ELFN2: variants seen among roughly 807,000 people sequenced by gnomAD.
The protein encoded by ELFN2 is extracellular leucine rich repeat and fibronectin type III domain containing 2, also known as protein phosphatase 1 regulatory subunit 29.
In ELFN2, 17 loss-of-function variants were observed where a neutral mutation model predicts 45.5. The observed-to-expected ratio is 0.37, with a 90% CI of 0.26 to 0.56. ELFN2 has a LOEUF of 0.56. ELFN2 is among the 20% of genes least tolerant of loss of function. The pLI is 0.77. For synonymous variants in ELFN2, 550 were observed against 551.5 expected (o/e 1.00, Z 0.04); for missense variants, 922 against 1,183.2 (o/e 0.78, Z 3.24).
intron 2 of ELFN2, among the ~76,000 whole-genome samples, chr22:37,397,326 A>G (rs997643108): frequency 6.6e-6 from 1 of 152,278 alleles, no homozygotes; most frequent in East Asian, 1.9e-4. Context: ...TGAAAACACA[A>G]AAGAACAACA....
chr22:37,409,795 G>A (rs756181846), intron 2 of ELFN2, among the ~76,000 whole-genome samples: 1 of 152,186 alleles, frequency 6.6e-6, no homozygotes. Context: ...GGGTGCTCAG[G>A]GTGCAATCAG....
intron 2 of ELFN2, among the ~76,000 whole-genome samples, chr22:37,376,404 C>T (rs1235321824): frequency 4.2e-5 from 2 of 47,928 alleles, no homozygotes; most frequent in African/African-American, 8.8e-5. Context: ...CAGACAGCTA[C>T]ACACACACAC....
intron 2 of ELFN2, among the ~76,000 whole-genome samples, chr22:37,379,260 C>T (rs544831634): frequency 4.3e-4 from 66 of 152,232 alleles, no homozygotes; most frequent in Non-Finnish European, 8.2e-4. Context: ...CCCAGAGGCC[C>T]GGGAGACAAT....
At chr22:37,380,667 C>T (rs185447378) in intron 2 of ELFN2, among the ~76,000 whole-genome samples, 91 of 152,284 alleles carry the variant, frequency 6.0e-4, no homozygotes, top group Admixed American at 3.7e-3. Context: ...TGTCACCATC[C>T]GTGTCATTGC....
chr22:37,364,078 A>C (rs539839479), downstream of ELFN2, among the ~76,000 whole-genome samples: 14 of 152,374 alleles, frequency 9.2e-5, no homozygotes, highest in African/African-American at 3.4e-4. Flanking sequence ...GACCAAGAGC[A>C]GAACTCAGAA....
At chr22:37,410,337 G>A (rs533324128) in intron 2 of ELFN2, among the ~76,000 whole-genome samples, 141 of 152,250 alleles carry the variant, frequency 9.3e-4, no homozygotes, top group African/African-American at 3.2e-3. Context: ...GAGGAAAGCC[G>A]GCAAGTCTCC....
Position 37,373,171 on chromosome 22 carries a change from G to T in ELFN2, c.2364C>A (p.Ala788=). The part of the protein sequence containing the change: ...KHHREEVYMA[A]GHALRKKVQF... ...GGACCTTCTTGCGCAGGGCGTGACC[G>T]GCGGCCATGTACACCTCCTCCCGGT... The change falls in exon 3 of 3, where the codon GCC becomes GCA. Residue 788 remains alanine, a synonymous_variant. Coordinates refer to ENST00000402918, the MANE Select transcript of ELFN2 (RefSeq NM_052906.5). 1.2e-6 allele frequency: 2 copies of T among 1,613,810 alleles called. No homozygotes were observed. Among genetic ancestry groups the T allele is most frequent in the Non-Finnish European group, 1.7e-6 (2 of 1,179,990 alleles).
At chr22:37,419,937 G>C (rs1269365320) in intron 1 of ELFN2, among the ~76,000 whole-genome samples, 1 of 152,122 alleles carries the variant, frequency 6.6e-6, no homozygotes, top group Non-Finnish European at 1.5e-5. Flanking sequence ...GCCCCTGCCG[G>C]TCGCTTTCCG....
chr22:37,343,715 C>A (rs1296280396), intron 1 of ELFN2, among the ~76,000 whole-genome samples: 3 of 150,292 alleles, frequency 2.0e-5, no homozygotes, highest in Non-Finnish European at 3.0e-5. Context: ...AGACCCACCC[C>A]CCCCGGACCC....
At chr22:37,414,229 C>G (rs1437127019) in intron 2 of ELFN2, among the ~76,000 whole-genome samples, 1 of 152,126 alleles carries the variant, frequency 6.6e-6, no homozygotes, top group Non-Finnish European at 1.5e-5. Flanking sequence ...AGAGAGTAAG[C>G]AAGCAAATAA....
intron 2 of ELFN2, among the ~76,000 whole-genome samples, chr22:37,407,917 A>G (rs549600694): frequency 7.4e-4 from 113 of 152,162 alleles, no homozygotes; most frequent in African/African-American, 2.6e-3. Context: ...AAAGCGAGAA[A>G]AGGCCCCACC....
At chr22:37,419,089 T>G (rs1382976245) in intron 1 of ELFN2, 1 of 150,920 alleles carries the variant, frequency 6.6e-6, no homozygotes, top group African/African-American at 2.4e-5. Flanking sequence ...TTCACAAACA[T>G]ATGTAGACCC....
At chr22:37,396,783 G>A (rs749716512) in intron 2 of ELFN2, among the ~76,000 whole-genome samples, 5 of 152,046 alleles carry the variant, frequency 3.3e-5, no homozygotes, top group Admixed American at 1.3e-4. Context: ...GATCGCGCTC[G>A]GTCATGGTCA....
chr22:37,388,410 CCTAGTAGGTG>C (rs1315973467), intron 2 of ELFN2, among the ~76,000 whole-genome samples: 1 of 152,198 alleles, frequency 6.6e-6, no homozygotes, highest in Admixed American at 6.5e-5. Context: ...TCCTGCTTCT[CCTAGTAGGTG>C]CTCAATAAAT....
chr22:37,382,304 T>C (rs375414276), intron 2 of ELFN2, among the ~76,000 whole-genome samples: 2 of 147,024 alleles, frequency 1.4e-5, no homozygotes, highest in Non-Finnish European at 3.0e-5. Context: ...CTTTTTTTTT[T>C]CCTTTTCTTT....
chr22:37,410,941 G>A (rs901907602), intron 2 of ELFN2, among the ~76,000 whole-genome samples: 3 of 152,184 alleles, frequency 2.0e-5, no homozygotes, highest in Admixed American at 2.0e-4. Context: ...ACAGGCCCCA[G>A]CCTGTCTCCA....
chr22:37,341,838 C>T (rs1291419557), intron 2 of ELFN2, among the ~76,000 whole-genome samples: 6 of 152,176 alleles, frequency 3.9e-5, no homozygotes, highest in Admixed American at 3.9e-4. Context: ...GGACAGAGCC[C>T]CTCCTCAGAA....
intron 2 of ELFN2, among the ~76,000 whole-genome samples, chr22:37,389,403 G>A (rs536864400): frequency 3.5e-4 from 53 of 152,190 alleles, no homozygotes; most frequent in African/African-American, 1.2e-3. Context: ...CCACCAGGCC[G>A]TTACTCACCA....
intron 2 of ELFN2, among the ~76,000 whole-genome samples, chr22:37,389,953 G>A (rs1163937276): frequency 1.3e-5 from 2 of 152,196 alleles, no homozygotes; most frequent in African/African-American, 4.8e-5. Flanking sequence ...CCAGGGGGGT[G>A]GGAACCAAGC....
Sources: gnomAD v4.1 joint callset for allele counts (sites outside exome capture counted in the v4.1 genomes callset) on GRCh38, gnomAD v4.1.1 for gene constraint, MANE v1.5 for transcripts, NCBI Gene and HGNC (gene_info 2026-07-23, HGNC 2026-07-21) for gene names.